ARHGEF18: variants seen among roughly 807,000 people sequenced by gnomAD.
ARHGEF18 encodes rho guanine nucleotide exchange factor 18.
Under a neutral mutation model 155.7 loss-of-function variants are expected in ARHGEF18, and 93 were observed. That is an observed-to-expected ratio of 0.60 (90% CI 0.50 to 0.71). The LOEUF (loss-of-function observed/expected upper bound fraction) is 0.71, where lower values mean the gene tolerates loss of function less well. Ranked by LOEUF, ARHGEF18 falls within the 30% of genes least tolerant of loss-of-function variation. ARHGEF18 has a pLI of 0.00. For missense variants in ARHGEF18, 1,593 were observed against 1,816.1 expected, an observed-to-expected ratio of 0.88 and a Z score of 2.23; for synonymous variants, 742 against 753.1, an observed-to-expected ratio of 0.99 and a Z score of 0.24.
chr19:7,409,340 A>AC (rs1555711968), intron 10 of ARHGEF18, among the ~76,000 whole-genome samples: 2 of 150,760 alleles, frequency 1.3e-5, no homozygotes, highest in African/African-American at 4.9e-5. Flanking sequence ...AAAAAAAAAA[A>AC]AAAAAAAGAC....
At chr19:7,473,664 G>T (rs1977131298), downstream of ARHGEF18, among the ~76,000 whole-genome samples, 1 of 152,078 alleles carries the variant, frequency 6.6e-6, no homozygotes, top group Non-Finnish European at 1.5e-5. Context: ...ACAGAAATTA[G>T]CCGGGCGTGG....
Position 7,440,279 on chromosome 19 carries a change from C to G in ARHGEF18, c.968-65C>G. On this transcript the variant is annotated intron_variant, in intron 10 of 28. Transcript: ENST00000668164. This position sits in a 1 kb window ranked among gnomAD's most constrained non-coding sequence, Gnocchi z 5.4. The stretch of plus-strand genomic sequence containing the variant: ...GGCCGCAGTCGGAGCGGGGCTTCCG[C>G]GCCGGGGACCTCCGCTACCCGACCC... 1.3e-6 allele frequency: 2 copies of G among 1,565,836 alleles called. No homozygotes were observed. Among genetic ancestry groups the G allele is most frequent in the East Asian group, 2.4e-5 (1 of 41,624 alleles).
chr19:7,413,364 C>T (rs1972812074), intron 10 of ARHGEF18, among the ~76,000 whole-genome samples: 2 of 150,846 alleles, frequency 1.3e-5, no homozygotes, highest in South Asian at 2.1e-4. Flanking sequence ...TGCAGTGGCA[C>T]GATCTCGGCT....
chr19:7,472,538 G>A (rs1413787373), downstream of ARHGEF18: 2 of 166,808 alleles, frequency 1.2e-5, no homozygotes, highest in African/African-American at 2.4e-5. Flanking sequence ...CTGCCCAAAC[G>A]TTGCTGCAGG....
chr19:7,419,195 G>A (rs1390677462), intron 10 of ARHGEF18, among the ~76,000 whole-genome samples: 3 of 139,052 alleles, frequency 2.2e-5, no homozygotes, highest in Admixed American at 6.9e-5. Context: ...ACCCACACTC[G>A]GCCTCTGTAC....
At chr19:7,407,636 C>T (rs1972396622) in intron 10 of ARHGEF18, among the ~76,000 whole-genome samples, 1 of 152,032 alleles carries the variant, frequency 6.6e-6, no homozygotes, top group Non-Finnish European at 1.5e-5. Context: ...CATTTGAATT[C>T]TTGGAAATAG....
intron 10 of ARHGEF18, among the ~76,000 whole-genome samples, chr19:7,386,618 C>T (rs1034293341): frequency 3.3e-5 from 5 of 151,954 alleles, no homozygotes; most frequent in African/African-American, 1.2e-4. Context: ...GTGGAAAGGT[C>T]CCAGGGCAGG....
chr19:7,475,113 G>A (rs185479404), downstream of ARHGEF18, among the ~76,000 whole-genome samples: 579 of 152,226 alleles, frequency 3.8e-3, 3 homozygotes, highest in South Asian at 0.028. Flanking sequence ...CGTGCCTGTA[G>A]TCCCAGCTAC....
chr19:7,361,992 G>A (rs1456470634), intron 1 of ARHGEF18, among the ~76,000 whole-genome samples: 1 of 34,780 alleles, frequency 2.9e-5, no homozygotes, highest in Non-Finnish European at 4.7e-5. Flanking sequence ...AGACTCTGTG[G>A]AAGAAGAAGA....
At chr19:7,419,338 C>T (rs1973217071) in intron 10 of ARHGEF18, among the ~76,000 whole-genome samples, 1 of 144,854 alleles carries the variant, frequency 6.9e-6, no homozygotes, top group African/African-American at 2.8e-5. Flanking sequence ...TGTGCCCACA[C>T]TTGGCCCCCG....
chr19:7,455,011 T>A (rs904432322), intron 17 of ARHGEF18, among the ~76,000 whole-genome samples: 2 of 152,078 alleles, frequency 1.3e-5, no homozygotes, highest in African/African-American at 4.8e-5. Flanking sequence ...GACCAGAGAG[T>A]GCTCAGGATT....
intron 26 of ARHGEF18, 101 bp from the exon 27 acceptor site, chr19:7,468,724 A>G (rs1232912454): frequency 8.5e-6 from 11 of 1,295,612 alleles, no homozygotes; most frequent in South Asian, 3.0e-5. Flanking sequence ...TCTGTCCAGA[A>G]CAGGAGAGGT....
intron 10 of ARHGEF18, among the ~76,000 whole-genome samples, chr19:7,384,049 A>T (rs1600245505): frequency 6.6e-6 from 1 of 152,130 alleles, no homozygotes; most frequent in East Asian, 1.9e-4. Flanking sequence ...GAAGAGGAGG[A>T]GGTGGTGGCA....
At chr19:7,448,400 G>A (rs1431522990) in intron 15 of ARHGEF18, among the ~76,000 whole-genome samples, 1 of 152,164 alleles carries the variant, frequency 6.6e-6, no homozygotes, top group Non-Finnish European at 1.5e-5. Flanking sequence ...AGTGGCTCAT[G>A]CCTGTAATCC....
At chr19:7,383,366 C>A in intron 10 of ARHGEF18, 163 bp downstream of exon 10, 1 of 695,222 alleles carries the variant, frequency 1.4e-6, no homozygotes, top group Non-Finnish European at 2.0e-6. Flanking sequence ...AGTCCCTGGG[C>A]ACAGGGACCC....
intron 10 of ARHGEF18, among the ~76,000 whole-genome samples, chr19:7,403,405 G>A (rs865816792): frequency 6.6e-6 from 1 of 152,102 alleles, no homozygotes; most frequent in African/African-American, 2.4e-5. Context: ...TCTGTCTCTA[G>A]ATCTGTCTAT....
chr19:7,448,408 TC>T (rs911238096), intron 15 of ARHGEF18, among the ~76,000 whole-genome samples: 3 of 152,082 alleles, frequency 2.0e-5, no homozygotes, highest in Non-Finnish European at 4.4e-5. Flanking sequence ...ATGCCTGTAA[TC>T]CCAGCATTTT....
chr19:7,446,820 C>T (rs556526572), intron 14 of ARHGEF18, among the ~76,000 whole-genome samples: 142 of 150,014 alleles, frequency 9.5e-4, no homozygotes, highest in South Asian at 3.6e-3. Context: ...CGCTTGATCC[C>T]GGGAGACAGA....
rs202175997 is a variant in ARHGEF18, at chr19:7,453,719, A to C, written c.2104+4A>C. 6.1e-5 allele frequency: 94 copies of C among 1,545,708 alleles called. No individual in the cohort carries two copies. Among genetic ancestry groups the C allele is most frequent in the Middle Eastern group, 1.8e-4 (1 of 5,666 alleles). On this transcript the variant is annotated splice_donor_region_variant and intron_variant, in intron 17 of 28. Coordinates refer to ENST00000668164, the MANE Select transcript of ARHGEF18 (RefSeq NM_001367823.1). ...ACCACATCAGGGCGCTTGAAAGGTAAAGGCCTGCCCCTGCCCACCTCTAGT... is the reference window on the plus strand; with the variant it reads ...ACCACATCAGGGCGCTTGAAAGGTACAGGCCTGCCCCTGCCCACCTCTAGT...
Sources: gnomAD v4.1 joint callset for allele counts (sites outside exome capture counted in the v4.1 genomes callset) on GRCh38, gnomAD v4.1.1 for gene constraint, Gnocchi (gnomAD v3.1) non-coding constraint, MANE v1.5 for transcripts, NCBI Gene and HGNC (gene_info 2026-07-23, HGNC 2026-07-21) for gene names.